ARHGAP24: variants seen among roughly 807,000 people sequenced by gnomAD.
ARHGAP24 encodes the protein rho GTPase-activating protein 24.
In ARHGAP24, 50 loss-of-function variants were observed where a neutral mutation model predicts 76.4. The ratio of observed to expected loss-of-function variants is 0.65; its 90% CI spans 0.52 to 0.83. ARHGAP24 has a LOEUF of 0.83. Ranked by LOEUF, ARHGAP24 falls within the 40% of genes least tolerant of loss-of-function variation. ARHGAP24 has a pLI of 0.00. For missense variants in ARHGAP24, 930 were observed against 914.2 expected (o/e 1.02, Z -0.22); for synonymous variants, 345 against 323.3 (o/e 1.07, Z -0.72).
chr4:85,525,180 C>CA (rs924808105), intron 1 of ARHGAP24, among the ~76,000 whole-genome samples: 18 of 150,540 alleles, frequency 1.2e-4, no homozygotes, highest in African/African-American at 3.9e-4. Flanking sequence ...ATATGATATT[C>CA]AAAAATTAAT....
At chr4:85,794,440 T>TGCTTTTTAAATATCCTTTCATCTTCA (rs1728258630) in intron 3 of ARHGAP24, among the ~76,000 whole-genome samples, 1 of 152,202 alleles carries the variant, frequency 6.6e-6, no homozygotes, top group Non-Finnish European at 1.5e-5. Context: ...TTGTATACAA[T>TGCTTTTTAAATATCCTTTCATCTTCA]GCTTTTTAAA....
intron 3 of ARHGAP24, among the ~76,000 whole-genome samples, chr4:85,825,903 A>G (rs1355489259): frequency 1.3e-5 from 2 of 152,210 alleles, no homozygotes; most frequent in African/African-American, 2.4e-5. Flanking sequence ...TACTCAGACT[A>G]TGGAACTCTA....
At chr4:85,780,724 A>G (rs1390831562) in intron 3 of ARHGAP24, among the ~76,000 whole-genome samples, 1 of 152,236 alleles carries the variant, frequency 6.6e-6, no homozygotes, top group East Asian at 1.9e-4. Flanking sequence ...AGATTCTCTT[A>G]TGAGAAACGT....
chr4:85,544,623 G>GT (rs953332738), intron 1 of ARHGAP24, among the ~76,000 whole-genome samples: 2 of 151,854 alleles, frequency 1.3e-5, no homozygotes, highest in African/African-American at 4.8e-5. Flanking sequence ...AATTTTAAGG[G>GT]TTTTTTCAGG....
At chr4:85,883,961 A>G (rs1733408667) in intron 3 of ARHGAP24, among the ~76,000 whole-genome samples, 1 of 152,150 alleles carries the variant, frequency 6.6e-6, no homozygotes, top group East Asian at 1.9e-4. Context: ...CAAGAACAAC[A>G]ACAAAAAAAT....
intron 3 of ARHGAP24, among the ~76,000 whole-genome samples, chr4:85,849,740 T>C (rs1200715484): frequency 1.3e-5 from 2 of 152,204 alleles, no homozygotes; most frequent in Non-Finnish European, 2.9e-5. Context: ...GTTTATGTGA[T>C]GGATTACGTT....
At chr4:85,488,972 T>C (rs577659351) in intron 1 of ARHGAP24, among the ~76,000 whole-genome samples, 1 of 152,360 alleles carries the variant, frequency 6.6e-6, no homozygotes, top group South Asian at 2.1e-4. Flanking sequence ...TAACTTGTTT[T>C]TGGTTACATT....
At chr4:85,638,901 A>T (rs760048573) in intron 2 of ARHGAP24, among the ~76,000 whole-genome samples, 1 of 152,192 alleles carries the variant, frequency 6.6e-6, no homozygotes, top group Non-Finnish European at 1.5e-5. Context: ...TTCTTTAAGC[A>T]TTAACTTAGT....
intron 3 of ARHGAP24, among the ~76,000 whole-genome samples, chr4:85,728,391 T>C (rs1448159291): frequency 1.3e-5 from 2 of 152,202 alleles, no homozygotes; most frequent in East Asian, 1.9e-4. Context: ...CTCACCTCTC[T>C]CTCACTCTTT....
chr4:85,695,200 G>T (rs938669737), intron 2 of ARHGAP24, among the ~76,000 whole-genome samples: 4 of 152,072 alleles, frequency 2.6e-5, no homozygotes, highest in African/African-American at 9.7e-5. Flanking sequence ...ATAATGTTTT[G>T]GTTCCTGCAT....
chr4:85,537,359 CTTTCT>C (rs904884640), intron 1 of ARHGAP24, among the ~76,000 whole-genome samples: 2 of 152,074 alleles, frequency 1.3e-5, no homozygotes, highest in African/African-American at 4.8e-5. Context: ...TTCCAACATT[CTTTCT>C]TTTCCTTTCT....
intron 2 of ARHGAP24, among the ~76,000 whole-genome samples, chr4:85,637,674 A>G (rs974746198): frequency 3.3e-5 from 5 of 152,086 alleles, no homozygotes; most frequent in African/African-American, 9.7e-5. Context: ...TTTTCAATAC[A>G]TAATGATGTT....
chr4:85,590,982 T>G (rs2109980424), intron 2 of ARHGAP24, among the ~76,000 whole-genome samples: 1 of 149,044 alleles, frequency 6.7e-6, no homozygotes, highest in South Asian at 2.1e-4. Context: ...TGTACAAAAA[T>G]TATTTATAAT....
rs149416064 is a variant in ARHGAP24 at position 85,986,990 on chromosome 4, G to A, written c.929-7593G>A. On this transcript the variant is annotated intron_variant, in intron 8 of 9. Coordinates refer to ENST00000395184, the MANE Select transcript of ARHGAP24 (RefSeq NM_001025616.3). ...ACCAGGAGCATAAGGAATTTTTAGG[G>A]CAGTGAAACTATTCGGTATGATGCT... Among the ~76,000 whole-genome samples, 501 of 152,168 alleles carry A rather than the reference G, an allele frequency of 3.3e-3. 3 individuals carry two copies. Among genetic ancestry groups the A allele is most frequent in the African/African-American group, 0.011 (470 of 41,514 alleles).
At chr4:85,810,644 T>A (rs1314657568) in intron 3 of ARHGAP24, among the ~76,000 whole-genome samples, 2 of 152,230 alleles carry the variant, frequency 1.3e-5, no homozygotes, top group Admixed American at 1.3e-4. Flanking sequence ...CTAGTGGTAC[T>A]GCACTCTTCA....
intron 1 of ARHGAP24, among the ~76,000 whole-genome samples, chr4:85,515,147 C>A (rs540236555): frequency 3.3e-5 from 5 of 152,056 alleles, no homozygotes; most frequent in African/African-American, 1.2e-4. Context: ...GCTCCCAGAA[C>A]TTTCAGTCAC....
chr4:85,679,461 A>C (rs944478510), intron 2 of ARHGAP24, among the ~76,000 whole-genome samples: 1 of 152,100 alleles, frequency 6.6e-6, no homozygotes, highest in Non-Finnish European at 1.5e-5. Context: ...GTTTCCTTTG[A>C]CATCCACTGT....
chr4:85,676,390 G>T (rs187266876), intron 2 of ARHGAP24, among the ~76,000 whole-genome samples: 4 of 152,222 alleles, frequency 2.6e-5, no homozygotes, highest in African/African-American at 9.6e-5. Context: ...TCCTCTAAAT[G>T]GGGCAAACTC....
chr4:85,733,999 T>C (rs1725512094), intron 3 of ARHGAP24, among the ~76,000 whole-genome samples: 1 of 152,176 alleles, frequency 6.6e-6, no homozygotes. Context: ...AAACTTTCCC[T>C]CATGTTTCTG....
Sources: gnomAD v4.1 joint callset for allele counts (sites outside exome capture counted in the v4.1 genomes callset) on GRCh38, gnomAD v4.1.1 for gene constraint, MANE v1.5 for transcripts, NCBI Gene and HGNC (gene_info 2026-07-23, HGNC 2026-07-21) for gene names.